The following LAMC3 variants were observed in gnomAD, a reference collection of about 807,000 sequenced individuals.
LAMC3 encodes laminin subunit gamma-3.
In LAMC3, 128 loss-of-function variants were observed where a neutral mutation model predicts 173.8. That is an observed-to-expected ratio of 0.74 (90% confidence interval 0.64 to 0.85). LAMC3 has a LOEUF of 0.85. Ranked by LOEUF, LAMC3 falls within the 40% of genes least tolerant of loss-of-function variation. The pLI, the probability that LAMC3 is intolerant of heterozygous loss-of-function variation, is 0.00. For missense variants in LAMC3, 2,022 were observed against 2,156.0 expected (o/e 0.94, Z 1.23); for synonymous variants, 897 against 909.1 (o/e 0.99, Z 0.24).
intron 7 of LAMC3, among the ~76,000 whole-genome samples, chr9:131,045,234 A>AAAC (rs1199156085): frequency 4.6e-4 from 42 of 90,424 alleles, no homozygotes; most frequent in South Asian, 7.4e-4. Flanking sequence ...AAAAAAAAAA[A>AAAC]AACAACAACA....
chr9:131,052,456 T>C (rs977961581), intron 9 of LAMC3, 35 bp from the exon 10 acceptor site: 1 of 1,551,808 alleles, frequency 6.4e-7, no homozygotes, highest in Non-Finnish European at 8.9e-7. Context: ...GCTAACCATA[T>C]GAAGACTGTC....
chr9:131,046,828 AG>A (rs1438663308), intron 8 of LAMC3, among the ~76,000 whole-genome samples: 1 of 152,042 alleles, frequency 6.6e-6, no homozygotes, highest in Non-Finnish European at 1.5e-5. Context: ...GCCTGTCCCC[AG>A]GAAGGAGCGA....
At chr9:131,054,153 A>C in intron 11 of LAMC3, among the ~76,000 whole-genome samples, 1 of 152,136 alleles carries the variant, frequency 6.6e-6, no homozygotes, top group East Asian at 1.9e-4. Flanking sequence ...GTTTCTGGGA[A>C]TGTCAATTTC....
At chr9:131,052,171 C>G (rs1176753425) in intron 9 of LAMC3, among the ~76,000 whole-genome samples, 1 of 152,182 alleles carries the variant, frequency 6.6e-6, no homozygotes, top group Non-Finnish European at 1.5e-5. Flanking sequence ...CCTCTCTGGT[C>G]ACACGTGTGT....
intron 2 of LAMC3, among the ~76,000 whole-genome samples, chr9:131,027,047 A>G (rs770928007): frequency 1.3e-5 from 2 of 152,322 alleles, no homozygotes; most frequent in African/African-American, 4.8e-5. Context: ...CTGCCACAGA[A>G]GGCTTGTTGC....
chr9:131,037,502 G>A (rs1041592975), intron 4 of LAMC3, among the ~76,000 whole-genome samples: 1 of 152,068 alleles, frequency 6.6e-6, no homozygotes, highest in Non-Finnish European at 1.5e-5. Context: ...TCCCCTAACT[G>A]CAGCTAAGGC....
At chr9:131,057,169 C>T (rs780258909) in intron 12 of LAMC3, 22 bp downstream of exon 12, 66 of 1,599,374 alleles carry the variant, frequency 4.1e-5, no homozygotes, top group Admixed American at 6.7e-5. Flanking sequence ...GGCACCCCAT[C>T]CGAAGGCACC....
intron 22 of LAMC3, among the ~76,000 whole-genome samples, chr9:131,078,257 T>C (rs12346504): frequency 0.32 from 49,282 of 151,878 alleles, 8,312 homozygotes; most frequent in Non-Finnish European, 0.38. Flanking sequence ...TTTGGGAGGC[T>C]GAGGCGGGCG....
Position 131,085,601 on chromosome 9 carries a change from C to T in LAMC3, c.4108C>T (p.Leu1370Phe). Residue 1370 changes from leucine to phenylalanine, a missense_variant, in exon 25 of 28, where the codon CTT becomes TTT. Coordinates refer to ENST00000361069, the MANE Select transcript of LAMC3 (RefSeq NM_006059.4). Reference protein sequence around the residue: ...RKADSVSDRLLADTRKKTKQA... With the variant: ...RKADSVSDRLFADTRKKTKQA... ...GGCAGACTCCGTCAGTGACAGACTC[C>T]TTGCAGACACGAGAAAGAAGACCAA... The T allele has an allele frequency of 1.2e-6, 2 of 1,614,134 alleles. No individual in the cohort carries two copies. The highest frequency in any genetic ancestry group is 1.1e-5 in the South Asian group (1 of 91,086).
Position 131,039,134 on chromosome 9 carries a change from C to T in LAMC3, c.1169C>T (p.Ser390Phe). 1 of 1,611,496 alleles carries T rather than the reference C, an allele frequency of 6.2e-7. No homozygotes were observed. Among genetic ancestry groups the T allele is most frequent in the Non-Finnish European group, 8.5e-7 (1 of 1,180,018 alleles). Reference protein sequence around the residue: ...CQPCDCQSAGSLHLQCDDTGT... With the variant: ...CQPCDCQSAGFLHLQCDDTGT... Reference sequence around the variant, plus strand: ...CCCTGTGCCCTTCCTCTCCCAGGCTCCCTACACCTCCAGTGCGATGACACA... The same window carrying T: ...CCCTGTGCCCTTCCTCTCCCAGGCTTCCTACACCTCCAGTGCGATGACACA... Residue 390 changes from serine (S) to phenylalanine (F), a missense_variant, in exon 6 of 28, where the codon TCC becomes TTC. Physicochemically the swap from Ser to Phe is radical, Grantham distance 155 (BLOSUM62 -2). Transcript: ENST00000361069.
chr9:131,045,395 TG>T, intron 7 of LAMC3, 128 bp from the exon 8 acceptor site: 1 of 1,051,728 alleles, frequency 9.5e-7, no homozygotes, highest in Non-Finnish European at 1.4e-6. Flanking sequence ...TCTAGAATTC[TG>T]AAAAAAAATT....
In LAMC3 at chr9:131,056,933, A is replaced by G; in HGVS notation, c.1944A>G (p.Pro648=). The change falls in exon 12 of 28, where the codon CCA becomes CCG. Residue 648 remains proline (P), a synonymous_variant. Coordinates refer to ENST00000361069, the MANE Select transcript of LAMC3 (RefSeq NM_006059.4). ...RVSPGPSPAG[P]VFLTEVRLTS... The stretch of plus-strand genomic sequence containing the variant: ...CTCTCCCTTCTCGCTCTGCAGGTCC[A>G]GTGTTCCTGACTGAGGTCCGGCTCA... 1 of 1,612,142 alleles carries G rather than the reference A, an allele frequency of 6.2e-7. No individual in the cohort carries two copies. The highest frequency in any genetic ancestry group is 1.3e-5 in the African/African-American group (1 of 75,050).
intron 9 of LAMC3, among the ~76,000 whole-genome samples, 167 bp from the exon 10 acceptor site, chr9:131,052,324 G>GGT (rs1355960729): frequency 6.6e-6 from 1 of 152,232 alleles, no homozygotes; most frequent in Admixed American, 6.5e-5. Flanking sequence ...TGACTGCAGA[G>GGT]GTGTGGGTGG....
chr9:131,090,707 A>G (rs1452644407), intron 27 of LAMC3, among the ~76,000 whole-genome samples: 1 of 151,924 alleles, frequency 6.6e-6, no homozygotes, highest in African/African-American at 2.4e-5. Context: ...CCTGACCAAC[A>G]TGGTGAAACC....
chr9:131,077,615 T>G (rs1345438888), intron 22 of LAMC3, among the ~76,000 whole-genome samples: 1 of 126,510 alleles, frequency 7.9e-6, no homozygotes, highest in Non-Finnish European at 1.5e-5. Flanking sequence ...AGGCAGAGGC[T>G]GCAGTGAGCC....
chr9:131,016,066 C>G (rs760238848), intron 1 of LAMC3, among the ~76,000 whole-genome samples: 1 of 152,174 alleles, frequency 6.6e-6, no homozygotes, highest in Non-Finnish European at 1.5e-5. Flanking sequence ...GAATATTACT[C>G]AGCCCTGAAA....
chr9:131,039,124 C>T lies in LAMC3; in HGVS notation c.1166-7C>T. The T allele has an allele frequency of 6.2e-7, 1 of 1,611,520 alleles. No individual in the cohort carries two copies. The highest frequency in any genetic ancestry group is 8.5e-7 in the Non-Finnish European group (1 of 1,179,966). ...GCCTCAATTGCCCTGTGCCCTTCCTCTCCCAGGCTCCCTACACCTCCAGTG... is the reference window on the plus strand; with the variant it reads ...GCCTCAATTGCCCTGTGCCCTTCCTTTCCCAGGCTCCCTACACCTCCAGTG... On this transcript the variant is annotated splice_polypyrimidine_tract_variant and splice_region_variant and intron_variant, in intron 5 of 27. Coordinates refer to ENST00000361069, the MANE Select transcript of LAMC3 (RefSeq NM_006059.4).
At chr9:131,074,828 G>A (rs150757607) in intron 20 of LAMC3, among the ~76,000 whole-genome samples, 1 of 152,238 alleles carries the variant, frequency 6.6e-6, no homozygotes, top group East Asian at 1.9e-4. Context: ...GAGAAGTTAA[G>A]GAATTTCCTA....
At chr9:131,051,430 T>A (rs1054268619) in intron 9 of LAMC3, among the ~76,000 whole-genome samples, 2 of 145,706 alleles carry the variant, frequency 1.4e-5, no homozygotes, top group African/African-American at 5.1e-5. Context: ...ATTGGCGTGG[T>A]CTTGGCTCAC....
Sources: gnomAD v4.1 joint callset for allele counts (sites outside exome capture counted in the v4.1 genomes callset) on GRCh38, gnomAD v4.1.1 for gene constraint, MANE v1.5 for transcripts, NCBI Gene and HGNC (gene_info 2026-07-23, HGNC 2026-07-21) for gene names.